SPTLC2: variants seen among roughly 807,000 people sequenced by gnomAD.
SPTLC2 encodes serine palmitoyltransferase long chain base subunit 2, also known as serine palmitoyltransferase 2.
A neutral mutation model predicts 62.0 loss-of-function variants in SPTLC2; 21 were observed. The ratio of observed to expected loss-of-function variants is 0.34; its 90% CI spans 0.24 to 0.49. The LOEUF is 0.49. Among genes scored for constraint, SPTLC2 ranks in the 20% least tolerant of loss-of-function variants. SPTLC2 has a pLI of 0.99. For synonymous variants in SPTLC2, 261 were observed against 261.8 expected, an observed-to-expected ratio of 1.00 and a Z score of 0.03; for missense variants, 511 against 713.0, an observed-to-expected ratio of 0.72 and a Z score of 3.23.
At chr14:77,575,435 C>A (rs2079709450) in intron 4 of SPTLC2, among the ~76,000 whole-genome samples, 1 of 152,184 alleles carries the variant, frequency 6.6e-6, no homozygotes, top group African/African-American at 2.4e-5. Context: ...TGAATCTGGG[C>A]TGACCTTAGC....
At chr14:77,577,026 A>C in intron 3 of SPTLC2, 111 bp from the exon 4 acceptor site, 1 of 1,243,322 alleles carries the variant, frequency 8.0e-7, no homozygotes, top group Non-Finnish European at 1.2e-6. Flanking sequence ...AGTCTATATT[A>C]AAAAAATCTC....
In SPTLC2 at chr14:77,570,461, AG is replaced by A; in HGVS notation, c.678del (p.Leu227Ter). On this transcript the variant is annotated frameshift_variant, in exon 5 of 12. Coordinates refer to ENST00000216484, the MANE Select transcript of SPTLC2 (RefSeq NM_004863.4). LOFTEE classifies it high-confidence loss of function. ...TACGCCATAGCAGCTTCTACTCCTA[AG>A]AACCTTGCTACAAGCTCCTCTAGTT... ...HEELEELVAR[F>X]LGVEAAMAYG... is the part of the protein sequence containing the mutation. The A allele has an allele frequency of 6.2e-7, 1 of 1,614,024 alleles. No homozygotes were observed. Among genetic ancestry groups the A allele is most frequent in the Non-Finnish European group, 8.5e-7 (1 of 1,180,000 alleles).
chr14:77,532,267 C>G (rs942017719), intron 9 of SPTLC2, among the ~76,000 whole-genome samples: 1 of 152,136 alleles, frequency 6.6e-6, no homozygotes, highest in Non-Finnish European at 1.5e-5. Context: ...TGAAAGCTGG[C>G]CTTCCCTTCT....
At chr14:77,531,639 G>C (rs955499913) in intron 9 of SPTLC2, among the ~76,000 whole-genome samples, 9 of 151,952 alleles carry the variant, frequency 5.9e-5, no homozygotes, top group Admixed American at 3.3e-4. Context: ...TCAGCCTCCT[G>C]AGTAGCTGGG....
At chr14:77,578,272 T>C (rs1461456511) in intron 3 of SPTLC2, among the ~76,000 whole-genome samples, 1 of 151,678 alleles carries the variant, frequency 6.6e-6, no homozygotes, top group Non-Finnish European at 1.5e-5. Flanking sequence ...GAAATCAAAA[T>C]ATCCAGAAAT....
intron 10 of SPTLC2, 117 bp from the exon 11 acceptor site, chr14:77,518,284 A>T: frequency 6.8e-7 from 1 of 1,461,380 alleles, no homozygotes; most frequent in Non-Finnish European, 9.4e-7. Flanking sequence ...GAGACTTCTA[A>T]TAGGAGTTTC....
At chr14:77,590,870 G>A (rs976613090) in intron 2 of SPTLC2, among the ~76,000 whole-genome samples, 2 of 152,166 alleles carry the variant, frequency 1.3e-5, no homozygotes, top group South Asian at 2.1e-4. Context: ...GAGGGAACTA[G>A]CCATGGGACT....
At chr14:77,604,885 A>AAGG (rs2079897021) in intron 1 of SPTLC2, among the ~76,000 whole-genome samples, 2 of 151,722 alleles carry the variant, frequency 1.3e-5, no homozygotes, top group South Asian at 4.1e-4. Flanking sequence ...AAAAAAAAAA[A>AAGG]AGGTAAAATG....
chr14:77,556,936 C>G (rs2079587374), intron 7 of SPTLC2, 105 bp downstream of exon 7: 2 of 876,526 alleles, frequency 2.3e-6, no homozygotes, highest in African/African-American at 3.3e-5. Flanking sequence ...TAAACACTGT[C>G]TCCTTAGTTT....
intron 9 of SPTLC2, among the ~76,000 whole-genome samples, chr14:77,530,087 T>C (rs561106468): frequency 6.6e-6 from 1 of 152,292 alleles, no homozygotes; most frequent in Admixed American, 6.5e-5. Context: ...ACTCCACATG[T>C]TAGAACAACA....
At chr14:77,605,072 C>T (rs1221764214) in intron 1 of SPTLC2, among the ~76,000 whole-genome samples, 3 of 151,998 alleles carry the variant, frequency 2.0e-5, no homozygotes, top group Non-Finnish European at 4.4e-5. Context: ...AGTAGAGTGG[C>T]GTAACCATAG....
In SPTLC2 at chr14:77,555,315, A is replaced by G. The variant is rs2079576791; in HGVS notation, c.1161T>C (p.Tyr387=). ...GCTCGTTTACCTTCTTGCCTCCAAT[A>G]TATCCTCCAGAAGCACCAAAACTCT... ...FTKSFGASGG[Y]IGGKKELIDY... is the part of the protein sequence containing the mutation. Residue 387 remains tyrosine, a synonymous_variant, in exon 8 of 12, where the codon TAT becomes TAC. Coordinates refer to ENST00000216484, the MANE Select transcript of SPTLC2 (RefSeq NM_004863.4). 3 of 1,613,870 alleles carry G rather than the reference A, an allele frequency of 1.9e-6. No homozygotes were observed. Among genetic ancestry groups the G allele is most frequent in the Non-Finnish European group, 2.5e-6 (3 of 1,179,998 alleles).
At chr14:77,554,388 C>T (rs35964784) in intron 8 of SPTLC2, among the ~76,000 whole-genome samples, 58,781 of 152,012 alleles carry the variant, frequency 0.39, 13,332 homozygotes, top group East Asian at 0.87. Flanking sequence ...TGAAAGGAAA[C>T]CTCATACCCA....
intron 1 of SPTLC2, among the ~76,000 whole-genome samples, chr14:77,602,188 C>G (rs961787389): frequency 1.3e-5 from 2 of 152,228 alleles, no homozygotes; most frequent in Admixed American, 1.3e-4. Flanking sequence ...TACAAGTAAG[C>G]TCAAGTCTAC....
intron 2 of SPTLC2, among the ~76,000 whole-genome samples, chr14:77,588,191 G>C (rs955406124): frequency 1.3e-5 from 2 of 152,078 alleles, no homozygotes; most frequent in African/African-American, 4.8e-5. Flanking sequence ...TCCTGCCTCA[G>C]TCTCCCAAAC....
intron 1 of SPTLC2, among the ~76,000 whole-genome samples, chr14:77,613,380 G>A (rs1321391834): frequency 1.3e-5 from 2 of 152,176 alleles, no homozygotes; most frequent in East Asian, 3.8e-4. Context: ...ATAAAGGTTT[G>A]TGCTCCTCCC....
chr14:77,567,468 C>T (rs2079651838), intron 5 of SPTLC2, among the ~76,000 whole-genome samples: 1 of 152,324 alleles, frequency 6.6e-6, no homozygotes, highest in East Asian at 1.9e-4. Flanking sequence ...AGTCAAAGAA[C>T]CATACATTTA....
intron 1 of SPTLC2, among the ~76,000 whole-genome samples, chr14:77,600,022 G>A (rs776611860): frequency 6.6e-6 from 1 of 152,020 alleles, no homozygotes; most frequent in African/African-American, 2.4e-5. Context: ...GGAAATTACA[G>A]AGCCCCCCCA....
intron 4 of SPTLC2, among the ~76,000 whole-genome samples, chr14:77,572,620 G>A (rs754815324): frequency 2.8e-4 from 42 of 152,200 alleles, no homozygotes; most frequent in Non-Finnish European, 5.6e-4. Context: ...AGTTTTAGAT[G>A]GTGTCTTCTT....
Sources: allele counts gnomAD v4.1 joint callset (sites outside exome capture counted in the v4.1 genomes callset), GRCh38; gene constraint gnomAD v4.1.1; transcripts MANE v1.5; gene names NCBI Gene and HGNC (gene_info 2026-07-23, HGNC 2026-07-21).